The following OAT variants were observed in gnomAD, a reference collection of about 807,000 sequenced individuals.
The protein encoded by OAT is ornithine aminotransferase.
OAT carries 35 observed loss-of-function variants against 48.4 expected under a neutral mutation model. The ratio of observed to expected loss-of-function variants is 0.72; its 90% CI spans 0.55 to 0.96. The LOEUF (loss-of-function observed/expected upper bound fraction) is 0.96. Among genes scored for constraint, OAT ranks in the 40% least tolerant of loss-of-function variants. OAT has a pLI of 0.00. For missense variants in OAT, 438 were observed against 537.9 expected (o/e 0.81, Z 1.84); for synonymous variants, 182 against 198.4 (o/e 0.92, Z 0.70).
intron 1 of OAT, among the ~76,000 whole-genome samples, chr10:124,413,267 T>TACACACACACACACAC (rs58272470): frequency 7.4e-6 from 1 of 134,576 alleles, no homozygotes; most frequent in East Asian, 2.3e-4. Flanking sequence ...CATAAATACA[T>TACACACACACACACAC]ACACACACAC....
chr10:124,398,840 C>T (rs1730330243), intron 9 of OAT, among the ~76,000 whole-genome samples: 1 of 151,750 alleles, frequency 6.6e-6, no homozygotes, highest in South Asian at 2.1e-4. Context: ...CATGGTGAAA[C>T]CCCATCTCTA....
intron 2 of OAT, among the ~76,000 whole-genome samples, chr10:124,411,032 C>T (rs1163327128): frequency 2.1e-5 from 3 of 145,220 alleles, no homozygotes; most frequent in Non-Finnish European, 4.5e-5. Context: ...CCCAGCTCCT[C>T]GGGAGGCTGA....
intron 3 of OAT, 44 bp downstream of exon 3, chr10:124,408,697 A>T (rs200710483): frequency 2.8e-5 from 44 of 1,575,162 alleles, no homozygotes; most frequent in Non-Finnish European, 3.8e-5. Flanking sequence ...AAAAATAAAA[A>T]GATTATTTTT....
At chr10:124,408,711 G>C in intron 3 of OAT, 30 bp downstream of exon 3, 2 of 1,575,566 alleles carry the variant, frequency 1.3e-6, no homozygotes, top group Non-Finnish European at 1.7e-6. Flanking sequence ...TATTTTTGAG[G>C]GTATTTAACA....
chr10:124,406,474 G>A (rs903010546), intron 4 of OAT, among the ~76,000 whole-genome samples: 10 of 151,768 alleles, frequency 6.6e-5, no homozygotes, highest in African/African-American at 2.4e-4. Flanking sequence ...CTGGGTGACA[G>A]AGCAAGACTG....
intron 4 of OAT, 79 bp from the exon 5 acceptor site, chr10:124,405,642 G>A: frequency 6.3e-7 from 1 of 1,586,760 alleles, no homozygotes; most frequent in Non-Finnish European, 8.6e-7. Context: ...AACACCACAA[G>A]AAGTTTGACT....
intron 1 of OAT, chr10:124,413,982 T>C (rs1049676148): frequency 1.5e-5 from 2 of 136,016 alleles, no homozygotes; most frequent in Non-Finnish European, 3.1e-5. Flanking sequence ...TGAAAGAAAC[T>C]AATAATTAAA....
chr10:124,418,425 T>C (rs1951987246), intron 1 of OAT, among the ~76,000 whole-genome samples: 2 of 152,120 alleles, frequency 1.3e-5, no homozygotes, highest in South Asian at 4.1e-4. Context: ...AAAGGCCTCC[T>C]ACCCGGAACC....
chr10:124,418,675 G>GGTCCGAGCCGCCCGC (rs1443939495), intron 1 of OAT, among the ~76,000 whole-genome samples, 198 bp downstream of exon 1: 11 of 152,172 alleles, frequency 7.2e-5, no homozygotes, highest in Admixed American at 5.9e-4. Context: ...AGGGCGCCCG[G>GGTCCGAGCCGCCCGC]GTCCGAGCCG....
chr10:124,409,115 A>G lies in OAT; in HGVS notation c.200-150T>C, dbSNP rs1420345570. ...AGTTAAAGCTTGTTTTAGCTCAGGC[A>G]TAATAAACTTTGGTTTGTAAGGAAT... is the stretch of plus-strand genomic sequence containing the variant. On this transcript the variant is annotated intron_variant, in intron 2 of 9. Transcript: ENST00000368845. 5 of 616,822 alleles carry G rather than the reference A, an allele frequency of 8.1e-6. No individual in the cohort carries two copies. In the Admixed American group the frequency reaches 9.3e-5, roughly 12 times the overall value. The allele number at this position is 616,822 out of a possible 1,614,324, so 38.2% of individuals were successfully genotyped here. A position where few individuals can be genotyped will look rare whatever the true frequency, so the allele number is the denominator to read the frequency against.
rs4962502 is a variant in OAT at position 124,408,319 on chromosome 10, A to G, written c.520+223T>C. On this transcript the variant is annotated intron_variant, in intron 4 of 9. Transcript: ENST00000368845. ...TGTGTGTGTGTGTGTGTGTGTGTGT[A>G]TATATATATATATATATATATATAT... 0.45 allele frequency among the ~76,000 whole-genome samples: 41,427 copies of G among 93,022 alleles called. 9,029 individuals carry two copies. Among genetic ancestry groups the G allele is most frequent in the African/African-American group, 0.64 (14,601 of 22,682 alleles). The allele number at this position is 93,022 out of a possible 152,430, so 61.0% of individuals were successfully genotyped here.
In OAT at chr10:124,401,740, T is replaced by C; in HGVS notation, c.1000A>G (p.Ile334Val). 1 of 1,610,850 alleles carries C rather than the reference T, an allele frequency of 6.2e-7. No homozygotes were observed. The highest frequency in any genetic ancestry group is 1.1e-5 in the South Asian group (1 of 91,040). Residue 334 changes from isoleucine to valine, a missense_variant, in exon 8 of 10, where the codon ATC becomes GTC. Coordinates refer to ENST00000368845, the MANE Select transcript of OAT (RefSeq NM_000274.4). Reference protein sequence around the residue: ...GGNPLGCRVAIAALEVLEEEN... With the variant: ...GGNPLGCRVAVAALEVLEEEN... Reference sequence around the variant, plus strand: ...TCAGTCTTTACCTCAAGGGCTGCGATGGCCACTCGGCAGCCTAGTGGATTG... The same window carrying C: ...TCAGTCTTTACCTCAAGGGCTGCGACGGCCACTCGGCAGCCTAGTGGATTG...
At chr10:124,398,647 A>G (rs1302788363) in intron 9 of OAT, among the ~76,000 whole-genome samples, 8 of 128,600 alleles carry the variant, frequency 6.2e-5, no homozygotes, top group Admixed American at 4.5e-4. Flanking sequence ...TCATAAATGA[A>G]AAAGACCAAG....
chr10:124,399,662 A>T (rs1951345245), intron 9 of OAT, among the ~76,000 whole-genome samples: 1 of 152,088 alleles, frequency 6.6e-6, no homozygotes, highest in South Asian at 2.1e-4. Context: ...TGATTCTTTA[A>T]GTGCAGCCAA....
At chr10:124,405,680 G>A in intron 4 of OAT, 117 bp from the exon 5 acceptor site, 1 of 1,539,770 alleles carries the variant, frequency 6.5e-7, no homozygotes, top group East Asian at 2.5e-5. Context: ...GCTTGCTTTA[G>A]TGCACCTTCG....
Position 124,402,940 on chromosome 10 carries a change from C to G in OAT, c.887G>C (p.Gly296Ala). 2 of 1,613,906 alleles carry G rather than the reference C, an allele frequency of 1.2e-6. No homozygotes were observed. The highest frequency in any genetic ancestry group is 1.7e-6 in the Non-Finnish European group (2 of 1,179,986). ...CATGAAACTTACAGGGTATAAGCCC[C>G]CAGAAAGGGCCTTTCCAAGGAGGAC... Reference protein sequence around the residue: ...DIVLLGKALSGGLYPVSAVLC... With the variant: ...DIVLLGKALSAGLYPVSAVLC... Residue 296 changes from glycine to alanine, a missense_variant, in exon 7 of 10, where the codon GGG becomes GCG. Transcript: ENST00000368845.
intron 9 of OAT, among the ~76,000 whole-genome samples, chr10:124,399,528 G>A (rs763929911): frequency 1.6e-4 from 25 of 151,842 alleles, no homozygotes; most frequent in Admixed American, 3.3e-4. Context: ...TGTATTTTTA[G>A]TAGAGATGGG....
rs1234365587 is a variant in OAT, at chr10:124,412,025, C to T, written c.147G>A (p.Lys49=). The part of the protein sequence containing the change: ...TSDDIFEREY[K]YGAHNYHPLP... The stretch of plus-strand genomic sequence containing the variant: ...AAGGATGGTAGTTGTGTGCACCATA[C>T]TTATATTCCCTTTCAAAAATGTCAT... The change falls in exon 2 of 10, where the codon AAG becomes AAA. Residue 49 remains lysine, a synonymous_variant. Transcript: ENST00000368845. 6.2e-7 allele frequency: 1 copy of T among 1,614,066 alleles called. No individual in the cohort carries two copies.
intron 4 of OAT, chr10:124,406,873 C>T (rs1951595394): frequency 2.0e-5 from 15 of 759,628 alleles, no homozygotes; most frequent in Non-Finnish European, 2.4e-5. Flanking sequence ...CCTCAGGGAG[C>T]TTCCTTTCTA....
Sources: gnomAD v4.1 joint callset for allele counts (sites outside exome capture counted in the v4.1 genomes callset) on GRCh38, gnomAD v4.1.1 for gene constraint, MANE v1.5 for transcripts, NCBI Gene and HGNC (gene_info 2026-07-23, HGNC 2026-07-21) for gene names.